Variants in RASGRF2 observed in about 807,000 individuals in gnomAD.
RASGRF2 encodes the protein ras-specific guanine nucleotide-releasing factor 2.
In RASGRF2, 76 loss-of-function variants were observed where a neutral mutation model predicts 151.0. That is an observed-to-expected ratio of 0.50 (90% confidence interval 0.42 to 0.61). The LOEUF (loss-of-function observed/expected upper bound fraction) is 0.61, where lower values mean the gene tolerates loss of function less well. RASGRF2 is among the 20% of genes least tolerant of loss of function. RASGRF2 has a pLI of 0.00. For synonymous variants in RASGRF2, 504 were observed against 566.5 expected (o/e 0.89, Z 1.57); for missense variants, 1,148 against 1,564.6 (o/e 0.73, Z 4.49).
intron 1 of RASGRF2, among the ~76,000 whole-genome samples, chr5:81,035,337 T>C (rs977174396): frequency 1.3e-5 from 2 of 152,124 alleles, no homozygotes; most frequent in South Asian, 2.1e-4. Context: ...CTGGAAACCA[T>C]TATTCTGTGC....
At chr5:81,003,380 G>A (rs539779013) in intron 1 of RASGRF2, among the ~76,000 whole-genome samples, 70 of 152,156 alleles carry the variant, frequency 4.6e-4, no homozygotes, top group African/African-American at 1.0e-3. Flanking sequence ...CCACCACCAC[G>A]CCCACCTAAT....
intron 1 of RASGRF2, among the ~76,000 whole-genome samples, chr5:81,035,495 G>C (rs1482478878): frequency 1.3e-5 from 2 of 152,014 alleles, no homozygotes; most frequent in Non-Finnish European, 2.9e-5. Flanking sequence ...ATAGCATTAG[G>C]AGATATACCT....
intron 21 of RASGRF2, among the ~76,000 whole-genome samples, chr5:81,208,000 T>TA (rs373804002): frequency 3.3e-5 from 5 of 152,262 alleles, no homozygotes; most frequent in African/African-American, 9.6e-5. Flanking sequence ...TTTTAAAAGC[T>TA]AATCCTGGGA....
At position 81,212,462 on chromosome 5, in the gene RASGRF2, C is replaced by T; in HGVS notation, c.3253C>T (p.Arg1085Ter). The stretch of plus-strand genomic sequence containing the variant: ...ATGGGTGGCAGTGGCGGACATCTGC[C>T]GATGCCTGCACAACTACAACGGCGT... ...EKWVAVADICRCLHNYNGVLE... is the reference protein window; with the variant it reads ...EKWVAVADIC The change falls in exon 23 of 27, where the codon CGA becomes TGA. Residue 1085 changes from arginine (R) to a stop codon, truncating the protein, a stop_gained. Coordinates refer to ENST00000265080, the MANE Select transcript of RASGRF2 (RefSeq NM_006909.3). LOFTEE classifies it high-confidence loss of function. 2 of 1,613,792 alleles carry T rather than the reference C, an allele frequency of 1.2e-6. No individual in the cohort carries two copies. Among genetic ancestry groups the T allele is most frequent in the Non-Finnish European group, 1.7e-6 (2 of 1,179,884 alleles).
intron 21 of RASGRF2, among the ~76,000 whole-genome samples, chr5:81,207,616 C>G (rs962244787): frequency 2.6e-5 from 4 of 152,172 alleles, no homozygotes. Context: ...TTTTTAATGA[C>G]TATACAAAAT....
At chr5:81,169,283 T>A (rs1754587476) in intron 17 of RASGRF2, among the ~76,000 whole-genome samples, 1 of 152,170 alleles carries the variant, frequency 6.6e-6, no homozygotes, top group South Asian at 2.1e-4. Context: ...CTTAAATTCG[T>A]TTTTGTAGGG....
At chr5:81,221,606 T>G (rs1055462286) in intron 26 of RASGRF2, among the ~76,000 whole-genome samples, 1 of 152,142 alleles carries the variant, frequency 6.6e-6, no homozygotes, top group Non-Finnish European at 1.5e-5. Flanking sequence ...ATCTTAGCAC[T>G]TGGGGAGGCC....
intron 18 of RASGRF2, among the ~76,000 whole-genome samples, chr5:81,191,070 C>CCTGA (rs1755144816): frequency 6.6e-6 from 1 of 152,198 alleles, no homozygotes; most frequent in Non-Finnish European, 1.5e-5. Flanking sequence ...GCATGCAACC[C>CCTGA]TCAGCATGGG....
chr5:81,094,912 C>T lies in RASGRF2; in HGVS notation c.1675C>T (p.Pro559Ser). 6.2e-7 allele frequency: 1 copy of T among 1,603,490 alleles called. No homozygotes were observed. The highest frequency in any genetic ancestry group is 1.1e-5 in the South Asian group (1 of 90,548). The change falls in exon 12 of 27, where the codon CCT (proline) becomes TCT (serine). Residue 559 changes from proline to serine, a missense_variant. Around this residue, in one of 5 missense-constraint regions of RASGRF2, gnomAD observed 646 missense variants for 807.4 expected, o/e 0.80. Coordinates refer to ENST00000265080, the MANE Select transcript of RASGRF2 (RefSeq NM_006909.3). The part of the protein sequence containing the change: ...HLDFKIVVEP[P>S]DAAAFTVVLL... ...GGATTTTAAAATAGTGGTGGAGCCT[C>T]CTGACGCTGCCGCCTTCACTGTTGT... is the stretch of plus-strand genomic sequence containing the variant.
chr5:81,107,280 T>A (rs1752872133), intron 12 of RASGRF2, among the ~76,000 whole-genome samples: 1 of 152,000 alleles, frequency 6.6e-6, no homozygotes, highest in Non-Finnish European at 1.5e-5. Flanking sequence ...GAGGATCACT[T>A]GATCCTAGGA....
intron 1 of RASGRF2, among the ~76,000 whole-genome samples, chr5:81,034,455 A>T (rs1750390858): frequency 6.6e-6 from 1 of 151,966 alleles, no homozygotes; most frequent in South Asian, 2.1e-4. Flanking sequence ...CTGGGTATAT[A>T]CCCAAAGGAC....
intron 5 of RASGRF2, 41 bp from the exon 6 acceptor site, chr5:81,080,080 A>T: frequency 6.3e-7 from 1 of 1,580,462 alleles, no homozygotes; most frequent in Non-Finnish European, 8.6e-7. Context: ...AAATAAACAC[A>T]TTATAGCAAC....
rs771211987 is a variant in RASGRF2 at position 81,109,010 on chromosome 5, A to G, written c.1770A>G (p.Ile590Met). Reference protein sequence around the residue: ...MSDISQCVDNIRCNGLMTIVF... With the variant: ...MSDISQCVDNMRCNGLMTIVF... ...TTATTTCACAGTGTGTGGACAATAT[A>G]CGATGTAATGGTTTAATGACTATAG... Residue 590 changes from isoleucine to methionine, a missense_variant, in exon 13 of 27, where the codon ATA becomes ATG. This residue lies in a region of RASGRF2 where 646 missense variants were observed against 807.4 expected (regional missense o/e 0.80). Coordinates refer to ENST00000265080, the MANE Select transcript of RASGRF2 (RefSeq NM_006909.3). 6.2e-7 allele frequency: 1 copy of G among 1,610,532 alleles called. No homozygotes were observed. Among genetic ancestry groups the G allele is most frequent in the Admixed American group, 1.7e-5 (1 of 59,932 alleles).
chr5:81,024,276 T>TTTTTTTTTA (rs869069412), intron 1 of RASGRF2, among the ~76,000 whole-genome samples: 1 of 75,850 alleles, frequency 1.3e-5, no homozygotes, highest in Non-Finnish European at 2.7e-5. Flanking sequence ...TTTTTTTTTT[T>TTTTTTTTTA]GAGACAGAAG....
intron 12 of RASGRF2, among the ~76,000 whole-genome samples, chr5:81,096,882 A>G (rs1283732919): frequency 6.6e-6 from 1 of 152,126 alleles, no homozygotes; most frequent in Non-Finnish European, 1.5e-5. Flanking sequence ...TTAGCAAAAA[A>G]AAATTGTACT....
chr5:81,064,230 A>G (rs748249600), intron 2 of RASGRF2, among the ~76,000 whole-genome samples: 5 of 152,194 alleles, frequency 3.3e-5, no homozygotes, highest in Non-Finnish European at 7.3e-5. Flanking sequence ...CTCAGTTCCT[A>G]AATGACTCTT....
chr5:81,228,039 C>T lies in RASGRF2; in HGVS notation c.*2269C>T, dbSNP rs947513467. 2 of 152,162 alleles carry T rather than the reference C, an allele frequency of 1.3e-5. No homozygotes were observed. The highest frequency in any genetic ancestry group is 4.8e-5 in the African/African-American group (2 of 41,418). 9.4% of individuals were successfully genotyped at this position (152,162 alleles called of 1,614,324 possible). On this transcript the variant is annotated 3_prime_UTR_variant, in exon 27 of 27. Transcript: ENST00000265080. ...TTCCTGCAGGATGTTGGAACTGCCC[C>T]GCACTGGTCATATTAGGCACTGTCA... is the stretch of plus-strand genomic sequence containing the variant.
intron 2 of RASGRF2, 73 bp from the exon 3 acceptor site, chr5:81,067,959 A>C: frequency 8.0e-7 from 1 of 1,251,188 alleles, no homozygotes; most frequent in Non-Finnish European, 1.1e-6. Flanking sequence ...CAAATGTAGC[A>C]TATTATATTC....
intron 12 of RASGRF2, among the ~76,000 whole-genome samples, chr5:81,108,331 G>C (rs997396259): frequency 2.3e-4 from 35 of 151,958 alleles, no homozygotes; most frequent in African/African-American, 8.0e-4. Context: ...GAGAAAATTA[G>C]CACAGCTTCC....
Sources: allele counts gnomAD v4.1 joint callset (sites outside exome capture counted in the v4.1 genomes callset), GRCh38; gene constraint gnomAD v4.1.1; regional missense constraint gnomAD v4.1.1; transcripts MANE v1.5; gene names NCBI Gene and HGNC (gene_info 2026-07-23, HGNC 2026-07-21).